The following FHOD3 variants were observed in gnomAD, a reference collection of about 807,000 sequenced individuals.
FHOD3 encodes the protein formin homology 2 domain containing 3.
Under a neutral mutation model 173.0 loss-of-function variants are expected in FHOD3, and 90 were observed. The observed-to-expected ratio is 0.52, with a 90% CI of 0.44 to 0.62. The LOEUF (loss-of-function observed/expected upper bound fraction) is 0.62, where lower values mean the gene tolerates loss of function less well. FHOD3 is among the 20% of genes least tolerant of loss of function. The probability of loss-of-function intolerance (pLI) is 0.00; values close to 1 mark genes in which losing one functional copy is unlikely to be tolerated. For synonymous variants in FHOD3, 828 were observed against 823.0 expected, an observed-to-expected ratio of 1.01 and a Z score of -0.10; for missense variants, 1,945 against 2,034.7, an observed-to-expected ratio of 0.96 and a Z score of 0.85.
At chr18:36,627,854 G>A (rs1207905566) in intron 10 of FHOD3, among the ~76,000 whole-genome samples, 1 of 152,174 alleles carries the variant, frequency 6.6e-6, no homozygotes, top group Admixed American at 6.5e-5. Context: ...CAGTACCTCA[G>A]AGTCAAGTGG....
In FHOD3 at chr18:36,649,338, C is replaced by A. The variant is rs1376496231; in HGVS notation, c.1219C>A (p.Gln407Lys). 1 of 1,535,846 alleles carries A rather than the reference C, an allele frequency of 6.5e-7. No homozygotes were observed. The highest frequency in any genetic ancestry group is 2.0e-5 in the Admixed American group (1 of 50,982). ...REKEEEEEEE[Q>K]PITEPSSEEE... ...CAGGGAGGAGGAGGAGGAAGAGGAG[C>A]AGCCAATCACGGAGCCCAGTTCCGA... The change falls in exon 11 of 29, where the codon CAG (glutamine) becomes AAG (lysine). Residue 407 changes from glutamine to lysine, a missense_variant. Gln to Lys is a moderately conservative substitution (Grantham distance 53). Coordinates refer to ENST00000590592, the MANE Select transcript of FHOD3 (RefSeq NM_001281740.3).
intron 1 of FHOD3, among the ~76,000 whole-genome samples, chr18:36,355,086 A>G (rs1568162858): frequency 6.6e-6 from 1 of 152,236 alleles, no homozygotes; most frequent in African/African-American, 2.4e-5. Context: ...TAATGTGCAG[A>G]GTATGACCAT....
intron 3 of FHOD3, among the ~76,000 whole-genome samples, chr18:36,422,923 T>C (rs1328506710): frequency 6.6e-6 from 1 of 152,140 alleles, no homozygotes; most frequent in African/African-American, 2.4e-5. Flanking sequence ...CATTTTACCA[T>C]GTCACCATTT....
At chr18:36,525,698 T>A (rs2056478863) in intron 5 of FHOD3, among the ~76,000 whole-genome samples, 1 of 152,200 alleles carries the variant, frequency 6.6e-6, no homozygotes, top group Non-Finnish European at 1.5e-5. Context: ...ACTGTCTTTC[T>A]GGGCTTCTTA....
Position 36,427,253 on chromosome 18 carries a change from T to C in FHOD3, c.337+54509T>C, listed in dbSNP as rs979253754. Among the ~76,000 whole-genome samples the C allele has an allele frequency of 2.1e-5, 3 of 143,090 alleles. No individual in the cohort carries two copies. The Admixed American group carries it at 2.2e-4, about 10-fold the overall frequency. 93.9% of individuals were successfully genotyped at this position (143,090 alleles called of 152,430 possible). A position where few individuals can be genotyped will look rare whatever the true frequency, so the allele number is the denominator to read the frequency against. On this transcript the variant is annotated intron_variant, in intron 3 of 28. Coordinates refer to ENST00000590592, the MANE Select transcript of FHOD3 (RefSeq NM_001281740.3). ...AAAGATCACACTGCCAGCAGAGGAA[T>C]TCATCTTAAAACTAGAACTGATCTT...
intron 9 of FHOD3, among the ~76,000 whole-genome samples, chr18:36,623,954 A>C (rs2033903066): frequency 6.6e-6 from 1 of 152,222 alleles, no homozygotes; most frequent in Non-Finnish European, 1.5e-5. Context: ...TTCTGCACAT[A>C]GGTGATGTTA....
intron 3 of FHOD3, among the ~76,000 whole-genome samples, chr18:36,489,083 G>A (rs116023251): frequency 0.013 from 1,986 of 152,236 alleles, 46 homozygotes; most frequent in African/African-American, 0.045. Context: ...CTGGCTGGGT[G>A]GTATGTGGTT....
chr18:36,591,473 G>T (rs1292427500), intron 6 of FHOD3, among the ~76,000 whole-genome samples: 4 of 152,176 alleles, frequency 2.6e-5, no homozygotes, highest in Non-Finnish European at 5.9e-5. Flanking sequence ...TCAGAGGACG[G>T]GCTGGCCTAC....
chr18:36,708,736 G>A (rs931092678), intron 17 of FHOD3, among the ~76,000 whole-genome samples: 2 of 152,202 alleles, frequency 1.3e-5, no homozygotes, highest in African/African-American at 4.8e-5. Flanking sequence ...GAGGCCACCT[G>A]CATTCCCTGT....
chr18:36,670,211 T>TGTA (rs1170319764), intron 14 of FHOD3, among the ~76,000 whole-genome samples: 1 of 152,138 alleles, frequency 6.6e-6, no homozygotes, highest in Non-Finnish European at 1.5e-5. Context: ...TATGCCTTGG[T>TGTA]GTAGTTTTTT....
intron 3 of FHOD3, among the ~76,000 whole-genome samples, chr18:36,474,939 G>C (rs1420132178): frequency 6.6e-6 from 1 of 150,914 alleles, no homozygotes; most frequent in Non-Finnish European, 1.5e-5. Flanking sequence ...CTAGTTTTGG[G>C]CTCAGCTAGT....
chr18:36,529,813 A>T (rs192622347), intron 5 of FHOD3, among the ~76,000 whole-genome samples: 149 of 152,310 alleles, frequency 9.8e-4, no homozygotes, highest in South Asian at 8.1e-3. Context: ...AAATAAAAAT[A>T]AAAATTAAAA....
At chr18:36,497,295 T>G (rs937312914) in intron 3 of FHOD3, among the ~76,000 whole-genome samples, 1 of 152,250 alleles carries the variant, frequency 6.6e-6, no homozygotes, top group African/African-American at 2.4e-5. Context: ...CACTGGGAGA[T>G]ATCTTTGGCA....
chr18:36,414,503 G>T (rs905645981), intron 3 of FHOD3, among the ~76,000 whole-genome samples: 1 of 152,186 alleles, frequency 6.6e-6, no homozygotes, highest in Non-Finnish European at 1.5e-5. Flanking sequence ...AAGGAGAGCT[G>T]CTGCCCATCA....
chr18:36,653,447 G>A (rs2149125363), intron 13 of FHOD3, 31 bp downstream of exon 13: 1 of 1,425,986 alleles, frequency 7.0e-7, no homozygotes, highest in South Asian at 1.3e-5. Context: ...TCCCTTTTCT[G>A]TAGCTTTCTG....
At chr18:36,335,993 C>A (rs1468198906) in intron 1 of FHOD3, among the ~76,000 whole-genome samples, 1 of 152,152 alleles carries the variant, frequency 6.6e-6, no homozygotes, top group Non-Finnish European at 1.5e-5. Context: ...TTGTGGCAAC[C>A]TTTTAGGACA....
Position 36,603,504 on chromosome 18 carries a change from A to ATAT in FHOD3, c.813+750_813+752dup, listed in dbSNP as rs199969558. On this transcript the variant is annotated intron_variant, in intron 8 of 28. Transcript: ENST00000590592. ...CCCTTAAAATAATAATAATAATAAT[A>ATAT]TATTATTATTATTATTTGAGGCAGA... is the stretch of plus-strand genomic sequence containing the variant. Among the ~76,000 whole-genome samples, 498 of 150,208 alleles carry ATAT rather than the reference A, an allele frequency of 3.3e-3. 1 individual carries two copies. The highest frequency in any genetic ancestry group is 0.011 in the African/African-American group (471 of 40,958).
At chr18:36,557,286 C>T (rs1219471553) in intron 5 of FHOD3, among the ~76,000 whole-genome samples, 1 of 151,970 alleles carries the variant, frequency 6.6e-6, no homozygotes, top group African/African-American at 2.4e-5. Flanking sequence ...AATCCAGTAA[C>T]CAATATGTGC....
intron 15 of FHOD3, among the ~76,000 whole-genome samples, chr18:36,682,350 CCT>C (rs980843243): frequency 2.0e-5 from 3 of 152,128 alleles, no homozygotes; most frequent in African/African-American, 7.2e-5. Context: ...CCCTTTTCCC[CCT>C]TTCTTCCCCA....
Sources: gnomAD v4.1 joint callset for allele counts (sites outside exome capture counted in the v4.1 genomes callset) on GRCh38, gnomAD v4.1.1 for gene constraint, MANE v1.5 for transcripts, NCBI Gene and HGNC (gene_info 2026-07-23, HGNC 2026-07-21) for gene names.